Variants in HORMAD2 observed in about 807,000 individuals in gnomAD.
The protein encoded by HORMAD2 is HORMA domain containing 2, also known as HORMA domain-containing protein 2.
A neutral mutation model predicts 38.8 loss-of-function variants in HORMAD2; 45 were observed. The ratio of observed to expected loss-of-function variants is 1.16; its 90% CI spans 0.91 to 1.49. HORMAD2 has a LOEUF of 1.49. HORMAD2 is among the 40% of genes most tolerant of loss of function. HORMAD2 has a pLI of 0.00. For missense variants in HORMAD2, 338 were observed against 367.0 expected (o/e 0.92, Z 0.65); for synonymous variants, 126 against 122.8 (o/e 1.03, Z -0.17).
intron 7 of HORMAD2, among the ~76,000 whole-genome samples, chr22:30,118,237 C>T (rs1286302024): frequency 6.6e-6 from 1 of 152,130 alleles, no homozygotes; most frequent in Non-Finnish European, 1.5e-5. Flanking sequence ...TGGGTTCTCC[C>T]CCTCGCTCAC....
intron 10 of HORMAD2, among the ~76,000 whole-genome samples, chr22:30,152,020 C>G (rs1177848590): frequency 6.6e-6 from 1 of 152,000 alleles, no homozygotes; most frequent in Non-Finnish European, 1.5e-5. Flanking sequence ...CTTTCCTTAC[C>G]AAATTTCTCA....
At chr22:30,084,427 AG>A (rs1005073673) in intron 1 of HORMAD2, among the ~76,000 whole-genome samples, 8 of 152,196 alleles carry the variant, frequency 5.3e-5, no homozygotes, top group African/African-American at 1.9e-4. Context: ...CACCTCTTAA[AG>A]GCCCCAACTC....
Position 30,121,639 on chromosome 22 carries a change from A to G in HORMAD2, c.418A>G (p.Ser140Gly), listed in dbSNP as rs199804621. The G allele has an allele frequency of 6.3e-7, 1 of 1,591,732 alleles. No individual in the cohort carries two copies. The highest frequency in any genetic ancestry group is 2.3e-5 in the East Asian group (1 of 44,414). The change falls in exon 9 of 11, where the codon AGC becomes GGC. Residue 140 changes from serine (S) to glycine (G), a missense_variant. Physicochemically the swap from Ser to Gly is moderately conservative, Grantham distance 56. Coordinates refer to ENST00000336726, the MANE Select transcript of HORMAD2 (RefSeq NM_152510.4). ...GCTTTTTTTTCTGTGTAGTCATAGC[A>G]GCAGTACAAGCTTTGAAAGTGGAAC... ...GATMDFDSHS[S>G]STSFESGTNN...
upstream of HORMAD2, among the ~76,000 whole-genome samples, chr22:30,078,607 CA>C (rs55966787): frequency 0.057 from 1,554 of 27,502 alleles, 4 homozygotes; most frequent in Non-Finnish European, 0.072. Flanking sequence ...CTCTGTCTCA[CA>C]AAAAAAAAAA....
At chr22:30,118,198 C>T (rs1391596604) in intron 7 of HORMAD2, among the ~76,000 whole-genome samples, 1 of 152,132 alleles carries the variant, frequency 6.6e-6, no homozygotes, top group African/African-American at 2.4e-5. Context: ...CCAACAAGGC[C>T]CCATAGTCTC....
chr22:30,192,773 A>G, the HORMAD2 span, among the ~76,000 whole-genome samples: 1 of 152,160 alleles, frequency 6.6e-6, no homozygotes, highest in Admixed American at 6.5e-5. Context: ...GCAGCAAGGT[A>G]TCTGACATAG....
At position 30,119,993 on chromosome 22, in the gene HORMAD2, A is replaced by G. The variant is rs149403638; in HGVS notation, c.410+946A>G. ...AGCTAACATTTGTATAATACTTTACAGCTTATACAGCAGCACTTTTCATAC... is the reference window on the plus strand; with the variant it reads ...AGCTAACATTTGTATAATACTTTACGGCTTATACAGCAGCACTTTTCATAC... On this transcript the variant is annotated intron_variant, in intron 8 of 10. Coordinates refer to ENST00000336726, the MANE Select transcript of HORMAD2 (RefSeq NM_152510.4). Among the ~76,000 whole-genome samples the G allele has an allele frequency of 4.5e-4, 69 of 152,350 alleles. 2 individuals are homozygous for G. In the East Asian group the frequency reaches 0.013, roughly 29 times the overall value.
chr22:30,093,946 T>C lies in HORMAD2; in HGVS notation c.-7T>C. The C allele has an allele frequency of 6.3e-7, 1 of 1,596,998 alleles. No individual in the cohort carries two copies. Among genetic ancestry groups the C allele is most frequent in the Non-Finnish European group, 8.6e-7 (1 of 1,167,816 alleles). On this transcript the variant is annotated 5_prime_UTR_variant, in exon 2 of 11. Transcript: ENST00000336726. Reference sequence around the variant, plus strand: ...ACTTGTTGAAATAATCCTGATACATTCCTACAATGGCCACTGCTCAGCTTT... The same window carrying C: ...ACTTGTTGAAATAATCCTGATACATCCCTACAATGGCCACTGCTCAGCTTT...
chr22:30,126,227 G>A (rs552215513), intron 10 of HORMAD2, among the ~76,000 whole-genome samples: 6 of 151,812 alleles, frequency 4.0e-5, no homozygotes, highest in Non-Finnish European at 1.5e-5. Flanking sequence ...GCAGTGGTGC[G>A]ATCTCTGCTT....
At chr22:30,202,361 G>T in the HORMAD2 span, among the ~76,000 whole-genome samples, 1 of 151,890 alleles carries the variant, frequency 6.6e-6, no homozygotes, top group Non-Finnish European at 1.5e-5. Flanking sequence ...AAATGAAAGT[G>T]GGGGTTTGGG....
the HORMAD2 span, among the ~76,000 whole-genome samples, chr22:30,193,839 CA>C: frequency 2.0e-5 from 3 of 152,284 alleles, no homozygotes; most frequent in African/African-American, 7.2e-5. Flanking sequence ...GGAATGCTAA[CA>C]AAAGATCTTC....
intron 10 of HORMAD2, chr22:30,136,840 C>T (rs2146168829): frequency 9.8e-6 from 3 of 307,404 alleles, no homozygotes; most frequent in South Asian, 1.0e-4. Context: ...ATGAAGACAC[C>T]ATGGAGAGGA....
the HORMAD2 span, chr22:30,207,052 G>A: frequency 2.1e-5 from 10 of 470,304 alleles, no homozygotes; most frequent in Middle Eastern, 3.2e-4. Flanking sequence ...GCTCACCCAC[G>A]GATGAGTCAG....
intron 7 of HORMAD2, among the ~76,000 whole-genome samples, chr22:30,113,847 T>C (rs1370726482): frequency 6.6e-6 from 1 of 152,216 alleles, no homozygotes; most frequent in Non-Finnish European, 1.5e-5. Context: ...AGAAAACTTT[T>C]ACATACGGTA....
chr22:30,126,412 C>T (rs933644920), intron 10 of HORMAD2, among the ~76,000 whole-genome samples: 1 of 152,096 alleles, frequency 6.6e-6, no homozygotes, highest in Non-Finnish European at 1.5e-5. Flanking sequence ...CTTGATCAGC[C>T]CGCCTCGGCC....
chr22:30,124,285 AC>A (rs1358373112), intron 10 of HORMAD2, among the ~76,000 whole-genome samples: 9 of 151,718 alleles, frequency 5.9e-5, no homozygotes, highest in African/African-American at 2.2e-4. Flanking sequence ...ACACACACAC[AC>A]ACACACATAC....
At chr22:30,196,821 T>C in the HORMAD2 span, among the ~76,000 whole-genome samples, 2 of 152,202 alleles carry the variant, frequency 1.3e-5, no homozygotes, top group Non-Finnish European at 2.9e-5. Flanking sequence ...ATAAATCCCA[T>C]AACAACAGCC....
At chr22:30,139,368 A>G (rs1483772193) in intron 10 of HORMAD2, among the ~76,000 whole-genome samples, 2 of 148,070 alleles carry the variant, frequency 1.4e-5, no homozygotes, top group Non-Finnish European at 1.5e-5. Context: ...ACTTATATAT[A>G]TATTTTTTCA....
At chr22:30,165,394 T>C (rs1215583990) in intron 10 of HORMAD2, among the ~76,000 whole-genome samples, 1 of 152,202 alleles carries the variant, frequency 6.6e-6, no homozygotes, top group Non-Finnish European at 1.5e-5. Context: ...TTGGAGATCC[T>C]TGAGATCCCA....
Sources: gnomAD v4.1 joint callset for allele counts (sites outside exome capture counted in the v4.1 genomes callset) on GRCh38, gnomAD v4.1.1 for gene constraint, MANE v1.5 for transcripts, NCBI Gene and HGNC (gene_info 2026-07-23, HGNC 2026-07-21) for gene names.